UBAP2L: variants seen among roughly 807,000 people sequenced by gnomAD.
The protein encoded by UBAP2L is ubiquitin associated protein 2 like, also known as ubiquitin-associated protein 2-like.
A neutral mutation model predicts 130.6 loss-of-function variants in UBAP2L; 12 were observed. That is an observed-to-expected ratio of 0.09 (90% CI 0.06 to 0.15). UBAP2L has a LOEUF of 0.15. UBAP2L is among the 10% of genes least tolerant of loss of function. The pLI is 1.00. For synonymous variants in UBAP2L, 503 were observed against 524.7 expected, an observed-to-expected ratio of 0.96 and a Z score of 0.57; for missense variants, 965 against 1,332.5, an observed-to-expected ratio of 0.72 and a Z score of 4.29.
intron 25 of UBAP2L, among the ~76,000 whole-genome samples, chr1:154,268,380 GGGGTTTCACCATATT>G (rs1286060694): frequency 1.3e-5 from 2 of 151,862 alleles, no homozygotes; most frequent in Admixed American, 6.6e-5. Context: ...TAGTAGAGAC[GGGGTTTCACCATATT>G]GGCCAGACTG....
chr1:154,225,909 G>A (rs1295131480), intron 2 of UBAP2L, among the ~76,000 whole-genome samples: 5 of 152,204 alleles, frequency 3.3e-5, no homozygotes, highest in African/African-American at 1.2e-4. Flanking sequence ...TGCCTTCCAG[G>A]TTCAAGCAAT....
chr1:154,231,273 C>A (rs571317045), intron 4 of UBAP2L, among the ~76,000 whole-genome samples: 1 of 148,742 alleles, frequency 6.7e-6, no homozygotes, highest in South Asian at 2.1e-4. Context: ...AACAGGTGTG[C>A]GCCACCACAC....
At position 154,260,999 on chromosome 1, in the gene UBAP2L, A is replaced by C; in HGVS notation, c.2686A>C (p.Thr896Pro). 6.2e-7 allele frequency: 1 copy of C among 1,614,180 alleles called. No homozygotes were observed. Among genetic ancestry groups the C allele is most frequent in the South Asian group, 1.1e-5 (1 of 91,084 alleles). ...QTQTHHTTQQTFLNPALPPGY... is the reference protein window; with the variant it reads ...QTQTHHTTQQPFLNPALPPGY... ...GCAGACTCACCATACCACGCAGCAG[A>C]CATTCCTGAACCCGGCGCTGCCTCC... is the stretch of plus-strand genomic sequence containing the variant. The change falls in exon 23 of 27, where the codon ACA becomes CCA. Residue 896 changes from threonine to proline, a missense_variant. Thr to Pro is a conservative substitution (Grantham distance 38, BLOSUM62 -1). Transcript: ENST00000428931.
intron 3 of UBAP2L, 103 bp downstream of exon 3, chr1:154,227,462 A>G (rs1558119229): frequency 9.8e-6 from 10 of 1,020,400 alleles, no homozygotes; most frequent in South Asian, 1.4e-5. Context: ...TACTATAGGT[A>G]TTGAAAGAAT....
At chr1:154,233,651 CTGTGTG>C (rs61695071) in intron 4 of UBAP2L, among the ~76,000 whole-genome samples, 2 of 146,082 alleles carry the variant, frequency 1.4e-5, no homozygotes, top group African/African-American at 5.2e-5. Flanking sequence ...AATGAAATTG[CTGTGTG>C]TGTGTGTGTG....
upstream of UBAP2L, chr1:154,220,401 A>G: frequency 4.3e-6 from 7 of 1,614,228 alleles, no homozygotes; most frequent in South Asian, 7.7e-5. Context: ...TTACTGCCGG[A>G]CGCCATGGCC....
Position 154,251,623 on chromosome 1 carries a change from C to T in UBAP2L, c.1634C>T (p.Ala545Val). Residue 545 changes from alanine to valine, a missense_variant, in exon 14 of 27, where the codon GCT (alanine) becomes GTT (valine). Around this residue, in one of 9 missense-constraint regions of UBAP2L, gnomAD observed 393 missense variants for 408.1 expected, o/e 0.96. Transcript: ENST00000428931. The part of the protein sequence containing the change: ...TPTTSASSSQ[A>V]PSSLYTSTAS... ...ACCACGAGCGCCTCTTCAAGCCAGG[C>T]TCCAAGTAGCCTGTATACCAGCACG... 3.1e-6 allele frequency: 5 copies of T among 1,614,102 alleles called. No homozygotes were observed. The South Asian group carries it at 3.3e-5, about 11-fold the overall frequency.
intron 5 of UBAP2L, 177 bp downstream of exon 5, chr1:154,234,936 C>T (rs566007993): frequency 2.5e-4 from 202 of 809,618 alleles, no homozygotes; most frequent in Non-Finnish European, 3.5e-4. Flanking sequence ...TACCAACTGC[C>T]ACCAGTCTGG....
chr1:154,257,569 T>A, intron 20 of UBAP2L, 135 bp downstream of exon 20: 1 of 867,314 alleles, frequency 1.2e-6, no homozygotes, highest in South Asian at 1.6e-5. Flanking sequence ...CTCTGTGGAA[T>A]CCATGTATAT....
downstream of UBAP2L, chr1:154,271,021 A>G: frequency 7.1e-7 from 1 of 1,403,120 alleles, no homozygotes; most frequent in South Asian, 1.3e-5. Context: ...ATGTGGTAGT[A>G]GTATCTTGTC....
intron 4 of UBAP2L, among the ~76,000 whole-genome samples, chr1:154,233,210 T>A (rs1670437765): frequency 6.6e-6 from 1 of 152,076 alleles, no homozygotes; most frequent in Admixed American, 6.6e-5. Flanking sequence ...AGACAGGGTT[T>A]CACTATGTTG....
Position 154,256,472 on chromosome 1 carries a change from A to G in UBAP2L, c.2158-591A>G, listed in dbSNP as rs149998140. On this transcript the variant is annotated intron_variant, in intron 18 of 26. Coordinates refer to ENST00000428931, the MANE Select transcript of UBAP2L (RefSeq NM_014847.4). ...AGCAATATAGTGAGACCTCATCTCC[A>G]TAAAAATTTTTTGAAGATTGGCCAA... Among the ~76,000 whole-genome samples the G allele has an allele frequency of 2.0e-3, 303 of 152,290 alleles. 2 individuals are homozygous for G. Among genetic ancestry groups the G allele is most frequent in the Admixed American group, 3.4e-3 (52 of 15,306 alleles).
chr1:154,228,574 C>CATA (rs1294348871), intron 3 of UBAP2L, 41 bp from the exon 4 acceptor site: 3 of 1,457,592 alleles, frequency 2.1e-6, no homozygotes, highest in Non-Finnish European at 2.9e-6. Flanking sequence ...GGAGTGTGAG[C>CATA]ATAAGCCTGT....
intron 3 of UBAP2L, among the ~76,000 whole-genome samples, chr1:154,227,646 A>C (rs1485377109): frequency 6.6e-6 from 1 of 151,654 alleles, no homozygotes; most frequent in African/African-American, 2.4e-5. Flanking sequence ...TCCCGAGTTC[A>C]AGCGATTCTC....
At position 154,225,272 on chromosome 1, in the gene UBAP2L, A is replaced by G. The variant is rs1363141392; in HGVS notation, c.90+59A>G. ...GCGTTGCCTGCTGATACTGGTTTCC[A>G]TGCAGTACAGCATCATTCTGTGCTT... is the stretch of plus-strand genomic sequence containing the variant. On this transcript the variant is annotated intron_variant, in intron 2 of 26. Transcript: ENST00000428931. 1.2e-5 allele frequency: 19 copies of G among 1,562,036 alleles called. No individual in the cohort carries two copies. The South Asian group carries it at 1.6e-4, about 13-fold the overall frequency.
intron 3 of UBAP2L, 81 bp downstream of exon 3, chr1:154,227,440 C>A: frequency 7.9e-7 from 1 of 1,267,164 alleles, no homozygotes; most frequent in Non-Finnish European, 1.1e-6. Context: ...AGATGGATGC[C>A]AGGATACTTT....
At position 154,236,679 on chromosome 1, in the gene UBAP2L, A is replaced by G. The variant is rs76560005; in HGVS notation, c.590+68A>G. 1.5e-3 allele frequency: 2,230 copies of G among 1,531,980 alleles called. 31 individuals are homozygous for G. The African/African-American group carries it at 0.027, about 19-fold the overall frequency. 94.9% of individuals were successfully genotyped at this position (1,531,980 alleles called of 1,614,324 possible). A position where few individuals can be genotyped will look rare whatever the true frequency, so the allele number is the denominator to read the frequency against. ...AAATTACTGTAGGCAGCCTTAACCA[A>G]AATGATCAGAATGATTTCTAGACTG... On this transcript the variant is annotated intron_variant, in intron 7 of 26. Transcript: ENST00000428931.
rs1371844158 is a variant in UBAP2L, at chr1:154,243,353, TTACTG to T, written c.842+54_842+58del. On this transcript the variant is annotated intron_variant, in intron 10 of 26. Transcript: ENST00000428931. ...CATTTCTTAAACACATCTGCTGAGA[TTACTG>T]TAAAGAGAAGTGGCACTGGCCTTTG... 2.6e-6 allele frequency: 4 copies of T among 1,555,846 alleles called. No homozygotes were observed. The South Asian group carries it at 4.5e-5, about 18-fold the overall frequency.
At chr1:154,228,529 G>A in intron 3 of UBAP2L, 86 bp from the exon 4 acceptor site, 1 of 1,032,540 alleles carries the variant, frequency 9.7e-7, no homozygotes, top group South Asian at 1.4e-5. Context: ...AAACTCAACT[G>A]ATAGCGTTTC....
Sources: gnomAD v4.1 joint callset for allele counts (sites outside exome capture counted in the v4.1 genomes callset) on GRCh38, gnomAD v4.1.1 for gene constraint, gnomAD v4.1.1 regional missense constraint, MANE v1.5 for transcripts, NCBI Gene and HGNC (gene_info 2026-07-23, HGNC 2026-07-21) for gene names.